The following EML4 variants were observed in gnomAD, a reference collection of about 807,000 sequenced individuals.
EML4 encodes EMAP like 4.
EML4 carries 72 observed loss-of-function variants against 129.0 expected under a neutral mutation model. The ratio of observed to expected loss-of-function variants is 0.56; its 90% confidence interval spans 0.46 to 0.68. EML4 has a LOEUF of 0.68. Among genes scored for constraint, EML4 ranks in the 30% least tolerant of loss-of-function variants. The probability of loss-of-function intolerance (pLI) is 0.00; values close to 1 mark genes in which losing one functional copy is unlikely to be tolerated. For synonymous variants in EML4, 532 were observed against 405.0 expected (o/e 1.31, Z -3.77); for missense variants, 1,363 against 1,190.6 (o/e 1.14, Z -2.13).
intron 1 of EML4, among the ~76,000 whole-genome samples, chr2:42,230,618 C>G (rs1255441026): frequency 6.6e-6 from 1 of 152,124 alleles, no homozygotes; most frequent in Middle Eastern, 3.2e-3. Context: ...GTTGGCCAGG[C>G]TGGTCTCAAA....
At chr2:42,207,602 A>C (rs185456356) in intron 1 of EML4, among the ~76,000 whole-genome samples, 219 of 152,326 alleles carry the variant, frequency 1.4e-3, no homozygotes, top group African/African-American at 5.1e-3. Context: ...TAATAAATTT[A>C]GTTAACAGGC....
intron 1 of EML4, among the ~76,000 whole-genome samples, chr2:42,212,452 C>T (rs752791462): frequency 6.2e-4 from 94 of 151,834 alleles, no homozygotes; most frequent in Non-Finnish European, 1.2e-3. Flanking sequence ...ACAGGAAATA[C>T]ATTAAAAGCA....
At chr2:42,205,652 T>G (rs1267561721) in intron 1 of EML4, among the ~76,000 whole-genome samples, 2 of 152,172 alleles carry the variant, frequency 1.3e-5, no homozygotes, top group Admixed American at 6.5e-5. Flanking sequence ...TGTTGTTGTT[T>G]GTTTAAGGAA....
intron 15 of EML4, 42 bp from the exon 16 acceptor site, chr2:42,303,273 T>A (rs1429365856): frequency 6.2e-7 from 1 of 1,613,960 alleles, no homozygotes; most frequent in Non-Finnish European, 8.5e-7. Flanking sequence ...TTTTTTATGA[T>A]ATTCTTTGGT....
chr2:42,245,730 T>A, intron 2 of EML4, 43 bp downstream of exon 2: 1 of 1,498,362 alleles, frequency 6.7e-7, no homozygotes, highest in Non-Finnish European at 8.9e-7. Flanking sequence ...CTTTTTGCAA[T>A]ATTTTCTTTG....
At chr2:42,215,697 C>T (rs1673143812) in intron 1 of EML4, among the ~76,000 whole-genome samples, 2 of 152,124 alleles carry the variant, frequency 1.3e-5, no homozygotes, top group Non-Finnish European at 2.9e-5. Context: ...TACTCAGATA[C>T]AGAGTTAAAT....
chr2:42,295,673 A>C (rs2103682659), intron 13 of EML4, among the ~76,000 whole-genome samples, 157 bp downstream of exon 13: 1 of 152,304 alleles, frequency 6.6e-6, no homozygotes, highest in Middle Eastern at 3.4e-3. Context: ...ATCTTTTTTT[A>C]ATGAAATTAT....
At chr2:42,209,317 C>T (rs1672743453) in intron 1 of EML4, among the ~76,000 whole-genome samples, 1 of 152,060 alleles carries the variant, frequency 6.6e-6, no homozygotes, top group African/African-American at 2.4e-5. Flanking sequence ...CATCTTTTTT[C>T]CAAGATAATA....
At chr2:42,236,011 C>G (rs551801990) in intron 1 of EML4, among the ~76,000 whole-genome samples, 2 of 152,054 alleles carry the variant, frequency 1.3e-5, no homozygotes, top group Non-Finnish European at 2.9e-5. Context: ...AGTTACAATA[C>G]ATGTTTTAAT....
Position 42,169,630 on chromosome 2 carries a change from A to G in EML4, c.19A>G (p.Ser7Gly), listed in dbSNP as rs1263805094. The change falls in exon 1 of 23, where the codon AGT becomes GGT. Residue 7 changes from serine (S) to glycine (G), a missense_variant. Coordinates refer to ENST00000318522, the MANE Select transcript of EML4 (RefSeq NM_019063.5). ...CCGCAAGATGGACGGTTTCGCCGGC[A>G]GTCTCGGTGAGTACGGCTGGGGAGT... MDGFAG[S>G]LDDSISAAST... 6.2e-7 allele frequency: 1 copy of G among 1,601,184 alleles called. No homozygotes were observed. Among genetic ancestry groups the G allele is most frequent in the South Asian group, 1.1e-5 (1 of 90,112 alleles).
intron 19 of EML4, among the ~76,000 whole-genome samples, chr2:42,323,334 G>A (rs1168867894): frequency 6.6e-6 from 1 of 152,174 alleles, no homozygotes; most frequent in Non-Finnish European, 1.5e-5. Context: ...TGTGCATCTT[G>A]CTGTCTCTGA....
chr2:42,227,824 G>A (rs1674072804), intron 1 of EML4, among the ~76,000 whole-genome samples: 1 of 152,074 alleles, frequency 6.6e-6, no homozygotes, highest in African/African-American at 2.4e-5. Context: ...TAAAACTATA[G>A]AATATATATA....
At chr2:42,180,973 T>G (rs142901172) in intron 1 of EML4, among the ~76,000 whole-genome samples, 3 of 152,336 alleles carry the variant, frequency 2.0e-5, no homozygotes, top group African/African-American at 7.2e-5. Flanking sequence ...TCATCCTGAT[T>G]AGATTCAAAT....
At chr2:42,241,122 A>C (rs940209897) in intron 1 of EML4, among the ~76,000 whole-genome samples, 1 of 151,902 alleles carries the variant, frequency 6.6e-6, no homozygotes, top group Non-Finnish European at 1.5e-5. Flanking sequence ...GCACCACTGC[A>C]CTCCAGCCTG....
intron 1 of EML4, among the ~76,000 whole-genome samples, chr2:42,188,587 C>T (rs1671401859): frequency 6.6e-6 from 1 of 151,924 alleles, no homozygotes; most frequent in Non-Finnish European, 1.5e-5. Flanking sequence ...GCTTTGTCAC[C>T]CAGGCTGGAG....
chr2:42,261,497 G>GAA (rs10573221), intron 4 of EML4: 791 of 219,020 alleles, frequency 3.6e-3, no homozygotes, highest in Middle Eastern at 0.014. Context: ...GTTAAAACTG[G>GAA]AAAAAAAAAA....
intron 17 of EML4, among the ~76,000 whole-genome samples, chr2:42,310,624 G>A (rs1340019864): frequency 6.6e-6 from 1 of 152,244 alleles, no homozygotes; most frequent in South Asian, 2.1e-4. Flanking sequence ...GGAATTACAG[G>A]CATGAGCCCC....
chr2:42,188,605 G>A (rs1671403051), intron 1 of EML4, among the ~76,000 whole-genome samples: 1 of 151,908 alleles, frequency 6.6e-6, no homozygotes, highest in African/African-American at 2.4e-5. Context: ...GAGTGCAGTG[G>A]TGCGATCTTG....
At chr2:42,215,592 T>C (rs1449040361) in intron 1 of EML4, among the ~76,000 whole-genome samples, 1 of 152,178 alleles carries the variant, frequency 6.6e-6, no homozygotes, top group African/African-American at 2.4e-5. Flanking sequence ...TATCTACCAC[T>C]AAGATTCTGT....
Sources: allele counts gnomAD v4.1 joint callset (sites outside exome capture counted in the v4.1 genomes callset), GRCh38; gene constraint gnomAD v4.1.1; transcripts MANE v1.5; gene names NCBI Gene and HGNC (gene_info 2026-07-23, HGNC 2026-07-21).